H6PD: variants seen among roughly 807,000 people sequenced by gnomAD.
The protein encoded by H6PD is hexose-6-phosphate dehydrogenase/glucose 1-dehydrogenase, also known as GDH/6PGL endoplasmic bifunctional protein.
A neutral mutation model predicts 61.2 loss-of-function variants in H6PD; 48 were observed. The observed-to-expected ratio is 0.78, with a 90% CI of 0.62 to 1.00. The LOEUF (loss-of-function observed/expected upper bound fraction) is 1.00, where lower values mean the gene tolerates loss of function less well. H6PD is among the 50% of genes least tolerant of loss of function. The pLI is 0.00. For missense variants in H6PD, 1,093 were observed against 1,065.0 expected (o/e 1.03, Z -0.37); for synonymous variants, 480 against 457.9 (o/e 1.05, Z -0.62).
At position 9,266,007 on chromosome 1, in the gene H6PD, G is replaced by A. The variant is rs1158983706; in HGVS notation, c.*1138G>A. ...TTTAAGAGGGTCATTTCCATCTCAG[G>A]GGACTCCCGGATGGGTGTTTCCGCT... is the stretch of plus-strand genomic sequence containing the variant. On this transcript the variant is annotated 3_prime_UTR_variant, in exon 5 of 5. Transcript: ENST00000377403. 2.6e-5 allele frequency: 4 copies of A among 152,238 alleles called. No homozygotes were observed. The highest frequency in any genetic ancestry group is 5.9e-5 in the Non-Finnish European group (4 of 68,060). 9.4% of individuals were successfully genotyped at this position (152,238 alleles called of 1,614,324 possible).
rs1218882517 is a variant in H6PD, at chr1:9,266,679, T to C, written c.*1810T>C. 1 of 152,284 alleles carries C rather than the reference T, an allele frequency of 6.6e-6. No homozygotes were observed. The highest frequency in any genetic ancestry group is 6.5e-5 in the Admixed American group (1 of 15,288). The allele number at this position is 152,284 out of a possible 1,614,324, so 9.4% of individuals were successfully genotyped here. ...GGGAGCATGGCAAAGTCGGTTTCTCTCTGGACTGTTTACACTTCAAGGCGG... is the reference window on the plus strand; with the variant it reads ...GGGAGCATGGCAAAGTCGGTTTCTCCCTGGACTGTTTACACTTCAAGGCGG... On this transcript the variant is annotated 3_prime_UTR_variant, in exon 5 of 5. Transcript: ENST00000377403.
chr1:9,264,580 A>T lies in H6PD; in HGVS notation c.2087A>T (p.Asp696Val). The change falls in exon 5 of 5, where the codon GAC becomes GTC. Residue 696 changes from aspartate to valine, a missense_variant. Coordinates refer to ENST00000377403, the MANE Select transcript of H6PD (RefSeq NM_004285.4). ...FDLVLLGMGA[D>V]GHTASLFPQS... ...CTGGTGCTGCTGGGCATGGGTGCCG[A>T]CGGGCACACAGCCTCCCTCTTCCCA... 1.2e-6 allele frequency: 2 copies of T among 1,613,224 alleles called. No homozygotes were observed. Among genetic ancestry groups the T allele is most frequent in the South Asian group, 2.2e-5 (2 of 91,072 alleles).
chr1:9,240,235 A>G lies in H6PD; in HGVS notation c.-10-4690A>G, dbSNP rs559323219. On this transcript the variant is annotated intron_variant, in intron 1 of 4. Transcript: ENST00000377403. Reference sequence around the variant, plus strand: ...CAAGTATCTTAAATAAGAATTGTAAATGAAATTGCATCCTCCACACACGTA... The same window carrying G: ...CAAGTATCTTAAATAAGAATTGTAAGTGAAATTGCATCCTCCACACACGTA... 2.0e-5 allele frequency among the ~76,000 whole-genome samples: 3 copies of G among 152,218 alleles called. No homozygotes were observed. In the East Asian group the frequency reaches 5.8e-4, roughly 29 times the overall value.
In H6PD at chr1:9,269,509, G is replaced by A. The variant is rs569663505; in HGVS notation, c.*4640G>A. 1.9e-4 allele frequency: 29 copies of A among 152,384 alleles called. No homozygotes were observed. Among genetic ancestry groups the A allele is most frequent in the African/African-American group, 7.0e-4 (29 of 41,580 alleles). 9.4% of individuals were successfully genotyped at this position (152,384 alleles called of 1,614,324 possible). On this transcript the variant is annotated 3_prime_UTR_variant, in exon 5 of 5. Transcript: ENST00000377403. The surrounding 1 kb of genome is among the most constrained non-coding windows in gnomAD (Gnocchi z 4.3). Reference sequence around the variant, plus strand: ...AGTCATGGGAGCTGCCTCTTTGGAAGTGCAGATTTATTCCTGTAATAATCC... The same window carrying A: ...AGTCATGGGAGCTGCCTCTTTGGAAATGCAGATTTATTCCTGTAATAATCC...
Position 9,264,023 on chromosome 1 carries a change from G to A in H6PD, c.1530G>A (p.Leu510=). ...CTGGAGGAGCTGAGAATGGCCGTCT[G>A]TTGGACTTTGAGTTCAGTAGCGGCC... ...LYPGGAENGR[L]LDFEFSSGRL... Residue 510 remains leucine (L), a synonymous_variant, in exon 5 of 5, where the codon CTG becomes CTA. Coordinates refer to ENST00000377403, the MANE Select transcript of H6PD (RefSeq NM_004285.4). The A allele has an allele frequency of 1.2e-6, 2 of 1,614,238 alleles. No homozygotes were observed. Among genetic ancestry groups the A allele is most frequent in the Non-Finnish European group, 1.7e-6 (2 of 1,180,044 alleles).
At chr1:9,249,655 A>G (rs1473492410) in intron 3 of H6PD, among the ~76,000 whole-genome samples, 1 of 152,224 alleles carries the variant, frequency 6.6e-6, no homozygotes, top group African/African-American at 2.4e-5. Context: ...CAGGACAGGC[A>G]GTGGGAGATC....
rs1371686094 is a variant in H6PD at position 9,267,915 on chromosome 1, T to C, written c.*3046T>C. On this transcript the variant is annotated 3_prime_UTR_variant, in exon 5 of 5. Coordinates refer to ENST00000377403, the MANE Select transcript of H6PD (RefSeq NM_004285.4). ...ACCTTAGAACCTCGGATATCCTCTA[T>C]GTTTTAGTTTTCATTTTTTTAAAAT... 1 of 152,230 alleles carries C rather than the reference T, an allele frequency of 6.6e-6. No homozygotes were observed. Among genetic ancestry groups the C allele is most frequent in the Non-Finnish European group, 1.5e-5 (1 of 68,052 alleles). The allele number at this position is 152,230 out of a possible 1,614,324, so 9.4% of individuals were successfully genotyped here.
At position 9,264,412 on chromosome 1, in the gene H6PD, T is replaced by A. The variant is rs1259526188; in HGVS notation, c.1919T>A (p.Leu640Gln). The stretch of plus-strand genomic sequence containing the variant: ...AACTTCCAGGGCCTGCAGGCCCACC[T>A]GCTGCAGCACGTCCGGATCCCCTAC... The part of the protein sequence containing the change: ...ESNFQGLQAH[L>Q]LQHVRIPYYN... The change falls in exon 5 of 5, where the codon CTG (leucine) becomes CAG (glutamine). Residue 640 changes from leucine to glutamine, a missense_variant. Transcript: ENST00000377403. 1 of 1,612,852 alleles carries A rather than the reference T, an allele frequency of 6.2e-7. No homozygotes were observed. Among genetic ancestry groups the A allele is most frequent in the South Asian group, 1.1e-5 (1 of 91,080 alleles).
rs748479210 is a variant in H6PD, at chr1:9,264,393, C to CT, written c.1900_1901insT (p.Gln634LeufsTer99). On this transcript the variant is annotated frameshift_variant, in exon 5 of 5. Coordinates refer to ENST00000377403, the MANE Select transcript of H6PD (RefSeq NM_004285.4). LOFTEE classifies it high-confidence loss of function. ...ACTCTCAGACCCGGAGTCCAACTTC[C>CT]AGGGCCTGCAGGCCCACCTGCTGCA... 2.9e-5 allele frequency: 46 copies of CT among 1,612,920 alleles called. No individual in the cohort carries two copies. The Admixed American group carries it at 6.2e-4, about 22-fold the overall frequency.
At chr1:9,242,994 G>A in intron 1 of H6PD, 2 of 983,542 alleles carry the variant, frequency 2.0e-6, no homozygotes, top group Non-Finnish European at 2.4e-6. Flanking sequence ...AGGGGTGAGG[G>A]CAGATACAGG....
intron 3 of H6PD, among the ~76,000 whole-genome samples, chr1:9,260,610 ATGT>A (rs1216349161): frequency 5.4e-5 from 8 of 147,712 alleles, no homozygotes; most frequent in East Asian, 4.0e-4. Flanking sequence ...TGTTATTCTG[ATGT>A]TGTTATGTTA....
Position 9,264,772 on chromosome 1 carries a change from G to A in H6PD, c.2279G>A (p.Arg760Gln), listed in dbSNP as rs933325977. ...MKREITTLVS[R>Q]VGHEPKKWPI... The stretch of plus-strand genomic sequence containing the variant: ...CGTGAGATCACCACGCTGGTGAGCC[G>A]GGTGGGCCATGAGCCCAAGAAGTGG... The change falls in exon 5 of 5, where the codon CGG becomes CAG. Residue 760 changes from arginine to glutamine, a missense_variant. Arg to Gln is a conservative substitution (Grantham distance 43). Coordinates refer to ENST00000377403, the MANE Select transcript of H6PD (RefSeq NM_004285.4). 1.6e-5 allele frequency: 26 copies of A among 1,612,998 alleles called. No individual in the cohort carries two copies. In the Middle Eastern group the frequency reaches 6.6e-4, roughly 41 times the overall value.
At position 9,244,277 on chromosome 1, in the gene H6PD, A is replaced by G. The variant is rs372276002; in HGVS notation, c.-10-648A>G. Among the ~76,000 whole-genome samples the G allele has an allele frequency of 7.5e-4, 114 of 152,308 alleles. No homozygotes were observed. The South Asian group carries it at 0.011, about 15-fold the overall frequency. On this transcript the variant is annotated intron_variant, in intron 1 of 4. Coordinates refer to ENST00000377403, the MANE Select transcript of H6PD (RefSeq NM_004285.4). Reference sequence around the variant, plus strand: ...ACAACTCTGTGCTGTAGGTACCGCTATTACCCCCATTTCAGGTGAGAAAAC... The same window carrying G: ...ACAACTCTGTGCTGTAGGTACCGCTGTTACCCCCATTTCAGGTGAGAAAAC...
Position 9,262,273 on chromosome 1 carries a change from G to A in H6PD, c.960G>A (p.Val320=), listed in dbSNP as rs398122816. Residue 320 remains valine (V), a synonymous_variant, in exon 4 of 5, where the codon GTG becomes GTA. Transcript: ENST00000377403. ...VGQYQSYSEQ[V]RRELQKPDSF... ...AGTACCAGTCTTACAGTGAGCAGGT[G>A]CGCAGAGAGCTGCAGAAGCCAGACA... 6.8e-6 allele frequency: 11 copies of A among 1,610,576 alleles called. No individual in the cohort carries two copies. The highest frequency in any genetic ancestry group is 2.2e-5 in the South Asian group (2 of 90,458).
chr1:9,257,732 GC>G, intron 3 of H6PD, among the ~76,000 whole-genome samples: 1 of 152,238 alleles, frequency 6.6e-6, no homozygotes, highest in Non-Finnish European at 1.5e-5. Context: ...TAGAAGCTGA[GC>G]CCTTAAGGAT....
intron 1 of H6PD, among the ~76,000 whole-genome samples, chr1:9,240,497 T>G (rs1355946232): frequency 6.6e-6 from 1 of 152,028 alleles, no homozygotes; most frequent in Non-Finnish European, 1.5e-5. Context: ...TATCTCACCC[T>G]CCCATTTCCT....
At chr1:9,236,529 G>A (rs992829167) in intron 1 of H6PD, among the ~76,000 whole-genome samples, 1 of 152,136 alleles carries the variant, frequency 6.6e-6, no homozygotes, top group African/African-American at 2.4e-5. Flanking sequence ...TGGGGGCAGC[G>A]GATGCCTGTA....
chr1:9,256,783 A>G (rs556650708), intron 3 of H6PD, among the ~76,000 whole-genome samples: 1 of 152,326 alleles, frequency 6.6e-6, no homozygotes, highest in African/African-American at 2.4e-5. Flanking sequence ...TTAAAAAAGA[A>G]TTTGATTCTC....
chr1:9,255,000 C>A lies in H6PD; in HGVS notation c.746-7059C>A, dbSNP rs146415498. Among the ~76,000 whole-genome samples the A allele has an allele frequency of 3.3e-5, 5 of 152,330 alleles. No individual in the cohort carries two copies. The East Asian group carries it at 9.6e-4, about 29-fold the overall frequency. On this transcript the variant is annotated intron_variant, in intron 3 of 4. Transcript: ENST00000377403. The surrounding 1 kb of genome is among the most constrained non-coding windows in gnomAD (Gnocchi z 4.6). ...GTTAGCATCCTGAGTTCAGAGTTCA[C>A]CCATGTTCTAGCATGTACCAGCACT...
Sources: allele counts gnomAD v4.1 joint callset (sites outside exome capture counted in the v4.1 genomes callset), GRCh38; gene constraint gnomAD v4.1.1; non-coding constraint Gnocchi (gnomAD v3.1); transcripts MANE v1.5; gene names NCBI Gene and HGNC (gene_info 2026-07-23, HGNC 2026-07-21).